Variants in MPP7 observed in about 807,000 individuals in gnomAD.
The protein encoded by MPP7 is MAGUK p55 subfamily member 7.
MPP7 carries 60 observed loss-of-function variants against 76.5 expected under a neutral mutation model. The ratio of observed to expected loss-of-function variants is 0.78; its 90% CI spans 0.64 to 0.97. The LOEUF is 0.97. Ranked by LOEUF, MPP7 falls within the 50% of genes least tolerant of loss-of-function variation. MPP7 has a pLI of 0.00. For synonymous variants in MPP7, 237 were observed against 244.5 expected (o/e 0.97, Z 0.29); for missense variants, 641 against 694.0 (o/e 0.92, Z 0.86).
chr10:28,166,491 T>G (rs1836466389), intron 3 of MPP7, among the ~76,000 whole-genome samples: 1 of 136,932 alleles, frequency 7.3e-6, no homozygotes, highest in African/African-American at 2.7e-5. Context: ...CACCGCAACC[T>G]CCACCTCCCA....
intron 12 of MPP7, among the ~76,000 whole-genome samples, chr10:28,070,578 C>A (rs1852197196): frequency 6.6e-6 from 1 of 152,188 alleles, no homozygotes; most frequent in Non-Finnish European, 1.5e-5. Flanking sequence ...TTCAGTTACG[C>A]ATTTTACATC....
intron 11 of MPP7, among the ~76,000 whole-genome samples, chr10:28,099,006 T>G (rs1853694795): frequency 6.6e-6 from 1 of 152,174 alleles, no homozygotes; most frequent in South Asian, 2.1e-4. Flanking sequence ...ATTATATTCT[T>G]TGGCTCTCAC....
At position 28,293,851 on chromosome 10, in the gene MPP7, G is replaced by C. The variant is rs143923315; in HGVS notation, c.-132+9010C>G. On this transcript the variant is annotated intron_variant, in intron 1 of 16. Transcript: ENST00000683449. ...ATAAAAAGGAAACAAATAAGATAAT[G>C]ATAAGAGAGTGTTAACAGCTAACAA... Among the ~76,000 whole-genome samples, 148 of 152,326 alleles carry C rather than the reference G, an allele frequency of 9.7e-4. 1 individual carries two copies. The highest frequency in any genetic ancestry group is 3.5e-3 in the African/African-American group (146 of 41,578).
chr10:28,068,542 G>A (rs2133359916), intron 13 of MPP7, among the ~76,000 whole-genome samples: 1 of 151,996 alleles, frequency 6.6e-6, no homozygotes. Context: ...AATGTTTCAA[G>A]CATCACATTT....
At chr10:28,300,458 T>G (rs1841128869) in intron 1 of MPP7, among the ~76,000 whole-genome samples, 1 of 152,190 alleles carries the variant, frequency 6.6e-6, no homozygotes, top group African/African-American at 2.4e-5. Flanking sequence ...TTATGGAAAT[T>G]TTTGCTTGGG....
chr10:28,313,795 T>C (rs911748812), intron 2 of MPP7, among the ~76,000 whole-genome samples: 9 of 151,126 alleles, frequency 6.0e-5, no homozygotes, highest in African/African-American at 2.2e-4. Flanking sequence ...CTGTTGATCT[T>C]CCCACCTCAG....
At chr10:28,313,270 C>T (rs1287919983) in intron 2 of MPP7, among the ~76,000 whole-genome samples, 2 of 152,118 alleles carry the variant, frequency 1.3e-5, no homozygotes, top group East Asian at 3.9e-4. Context: ...CTTTGGGAGG[C>T]CGAGGCAGGA....
At chr10:28,281,854 T>C (rs1453791867) in intron 1 of MPP7, among the ~76,000 whole-genome samples, 1 of 152,070 alleles carries the variant, frequency 6.6e-6, no homozygotes, top group East Asian at 1.9e-4. Context: ...AGTTTTACGG[T>C]CCACATTCTT....
intron 3 of MPP7, among the ~76,000 whole-genome samples, chr10:28,194,676 A>C (rs1837522642): frequency 6.6e-6 from 1 of 152,224 alleles, no homozygotes; most frequent in African/African-American, 2.4e-5. Context: ...GGAAAAGGCA[A>C]AACTATTCAG....
chr10:28,268,837 T>C (rs1840230268), intron 1 of MPP7, among the ~76,000 whole-genome samples: 1 of 150,970 alleles, frequency 6.6e-6, no homozygotes, highest in African/African-American at 2.4e-5. Flanking sequence ...GAGAATGGCA[T>C]GAACCCAGGA....
chr10:28,126,613 T>C (rs903323940), intron 6 of MPP7, among the ~76,000 whole-genome samples: 17 of 152,212 alleles, frequency 1.1e-4, no homozygotes, highest in African/African-American at 4.1e-4. Context: ...TATCTTCCCA[T>C]AACCTTTCGT....
At chr10:28,172,926 T>C (rs969609993) in intron 3 of MPP7, among the ~76,000 whole-genome samples, 1 of 152,238 alleles carries the variant, frequency 6.6e-6, no homozygotes, top group Non-Finnish European at 1.5e-5. Context: ...GTGCTTACTA[T>C]GGCCGGACTG....
At chr10:28,173,643 C>T (rs1836761314) in intron 3 of MPP7, among the ~76,000 whole-genome samples, 1 of 152,194 alleles carries the variant, frequency 6.6e-6, no homozygotes, top group Admixed American at 6.5e-5. Context: ...ATTACCCATC[C>T]TCAACTATTC....
chr10:28,239,898 C>T (rs938228447), intron 1 of MPP7, among the ~76,000 whole-genome samples: 12 of 151,964 alleles, frequency 7.9e-5, no homozygotes, highest in Admixed American at 7.2e-4. Flanking sequence ...TATACTCAGA[C>T]ATATAATGCA....
At chr10:28,122,967 G>GT (rs34322003) in intron 8 of MPP7, among the ~76,000 whole-genome samples, 12,193 of 150,956 alleles carry the variant, frequency 0.081, 910 homozygotes, top group African/African-American at 0.19. Flanking sequence ...TGCAATTTTT[G>GT]TTTTTTTTGC....
At chr10:28,332,642 A>G (rs1178248711) in intron 1 of MPP7, among the ~76,000 whole-genome samples, 2 of 152,012 alleles carry the variant, frequency 1.3e-5, no homozygotes, top group African/African-American at 4.8e-5. Flanking sequence ...CTCTGAAACA[A>G]CTCTGTAAGG....
At chr10:28,166,894 T>C (rs1038295208) in intron 3 of MPP7, among the ~76,000 whole-genome samples, 5 of 152,194 alleles carry the variant, frequency 3.3e-5, no homozygotes, top group Non-Finnish European at 7.3e-5. Flanking sequence ...TTGTTCCATA[T>C]TCTATAGATC....
intron 13 of MPP7, among the ~76,000 whole-genome samples, chr10:28,063,458 T>C (rs962847464): frequency 4.6e-4 from 67 of 145,428 alleles, no homozygotes; most frequent in Admixed American, 4.8e-4. Context: ...CAAGACTCTG[T>C]CTCAAAAAAA....
At chr10:28,173,620 T>C (rs1490945538) in intron 3 of MPP7, among the ~76,000 whole-genome samples, 1 of 152,140 alleles carries the variant, frequency 6.6e-6, no homozygotes, top group Non-Finnish European at 1.5e-5. Context: ...GCCAAATAAA[T>C]TTTTCTTTAT....
Sources: allele counts gnomAD v4.1 joint callset (sites outside exome capture counted in the v4.1 genomes callset), GRCh38; gene constraint gnomAD v4.1.1; transcripts MANE v1.5; gene names NCBI Gene and HGNC (gene_info 2026-07-23, HGNC 2026-07-21).